Variants in TAOK3 observed in about 807,000 individuals in gnomAD.
TAOK3 encodes the protein TAO kinase 3, also known as serine/threonine-protein kinase TAO3.
Under a neutral mutation model 120.4 loss-of-function variants are expected in TAOK3, and 40 were observed. The ratio of observed to expected loss-of-function variants is 0.33; its 90% CI spans 0.26 to 0.43. The LOEUF (loss-of-function observed/expected upper bound fraction) is 0.43. Ranked by LOEUF, TAOK3 falls within the 20% of genes least tolerant of loss-of-function variation. The pLI is 1.00. For synonymous variants in TAOK3, 355 were observed against 387.5 expected (o/e 0.92, Z 0.99); for missense variants, 821 against 1,112.1 (o/e 0.74, Z 3.72).
chr12:118,198,987 G>A (rs1003496117), intron 13 of TAOK3, 64 bp downstream of exon 13: 5 of 1,570,336 alleles, frequency 3.2e-6, no homozygotes, highest in Non-Finnish European at 4.4e-6. Context: ...GAAGCTAAGT[G>A]ACTTGAACTG....
At chr12:118,177,375 C>G in intron 15 of TAOK3, 46 bp from the exon 16 acceptor site, 1 of 1,587,782 alleles carries the variant, frequency 6.3e-7, no homozygotes, top group Non-Finnish European at 8.6e-7. Context: ...ATTCTTTACA[C>G]AGAATTCAGT....
intron 16 of TAOK3, among the ~76,000 whole-genome samples, chr12:118,176,678 A>T (rs962875975): frequency 3.3e-5 from 5 of 152,192 alleles, no homozygotes; most frequent in Non-Finnish European, 7.3e-5. Context: ...AAAATCTGAA[A>T]ATCAGTCAGA....
chr12:118,322,858 T>A (rs1456392689), intron 1 of TAOK3, among the ~76,000 whole-genome samples: 2 of 151,374 alleles, frequency 1.3e-5, no homozygotes, highest in Non-Finnish European at 2.9e-5. Context: ...CCCGAGTAGC[T>A]GGGATTACAG....
chr12:118,321,120 T>C (rs1035998015), intron 1 of TAOK3, among the ~76,000 whole-genome samples: 2 of 152,196 alleles, frequency 1.3e-5, no homozygotes, highest in African/African-American at 2.4e-5. Flanking sequence ...AGTGGCTATA[T>C]GTTAGGGAAA....
intron 9 of TAOK3, among the ~76,000 whole-genome samples, chr12:118,230,783 T>C (rs779120461): frequency 1.3e-5 from 2 of 152,148 alleles, no homozygotes; most frequent in Non-Finnish European, 2.9e-5. Flanking sequence ...TTGTGAACTT[T>C]TACGTAGTAT....
intron 5 of TAOK3, among the ~76,000 whole-genome samples, chr12:118,241,247 C>G (rs1192446946): frequency 6.6e-6 from 1 of 151,676 alleles, no homozygotes; most frequent in African/African-American, 2.4e-5. Context: ...CAAACAGATT[C>G]AGAAACATTA....
intron 1 of TAOK3, among the ~76,000 whole-genome samples, chr12:118,309,080 G>C (rs891281405): frequency 6.6e-6 from 1 of 151,692 alleles, no homozygotes; most frequent in Non-Finnish European, 1.5e-5. Context: ...TGTAATCCCA[G>C]CACTTTGGGA....
chr12:118,251,333 C>T (rs541377675), intron 3 of TAOK3, among the ~76,000 whole-genome samples: 22 of 152,286 alleles, frequency 1.4e-4, no homozygotes, highest in Non-Finnish European at 1.5e-4. Flanking sequence ...TAAGGTACTG[C>T]CCATGTGACC....
At chr12:118,217,816 C>CATATATATATAT (rs57197721) in intron 9 of TAOK3, among the ~76,000 whole-genome samples, 6 of 45,964 alleles carry the variant, frequency 1.3e-4, no homozygotes, top group South Asian at 8.6e-4. Context: ...TGTGTGTATA[C>CATATATATATAT]ATATATATAT....
At chr12:118,189,529 GAC>G (rs1262640332) in intron 14 of TAOK3, among the ~76,000 whole-genome samples, 3 of 83,326 alleles carry the variant, frequency 3.6e-5, no homozygotes, top group Non-Finnish European at 4.7e-5. Flanking sequence ...AACACACACA[GAC>G]ACAGACACAC....
At chr12:118,187,664 C>T (rs946641270) in intron 14 of TAOK3, among the ~76,000 whole-genome samples, 4 of 152,104 alleles carry the variant, frequency 2.6e-5, no homozygotes, top group African/African-American at 9.7e-5. Flanking sequence ...TACCATCAAT[C>T]CCAATCATGA....
intron 17 of TAOK3, among the ~76,000 whole-genome samples, chr12:118,166,802 ATGTGTGTGTGTG>A (rs143091392): frequency 7.1e-6 from 1 of 141,444 alleles, no homozygotes; most frequent in South Asian, 2.4e-4. Context: ...TACTCAATGT[ATGTGTGTGTGTG>A]TATATATATA....
At chr12:118,206,890 C>T (rs552376950) in intron 11 of TAOK3, among the ~76,000 whole-genome samples, 1 of 152,094 alleles carries the variant, frequency 6.6e-6, no homozygotes, top group Non-Finnish European at 1.5e-5. Flanking sequence ...CCACTGCACC[C>T]GGCCTCCTCA....
chr12:118,356,226 GTAGGATAACTTGCA>G (rs1428861299), intron 1 of TAOK3, among the ~76,000 whole-genome samples: 2 of 150,814 alleles, frequency 1.3e-5, no homozygotes, highest in South Asian at 2.1e-4. Context: ...CCCTCTTTTA[GTAGGATAACTTGCA>G]TTACTATTTG....
intron 9 of TAOK3, among the ~76,000 whole-genome samples, chr12:118,226,927 G>A (rs1205827724): frequency 2.0e-5 from 3 of 152,086 alleles, no homozygotes; most frequent in Admixed American, 1.3e-4. Context: ...TGACATTTTA[G>A]TCATTTACAT....
chr12:118,354,064 T>A (rs1051571090), intron 1 of TAOK3, among the ~76,000 whole-genome samples: 65 of 152,308 alleles, frequency 4.3e-4, no homozygotes, highest in Admixed American at 3.9e-3. Flanking sequence ...AGTCTCAGAT[T>A]GTGAGAACGG....
intron 19 of TAOK3, among the ~76,000 whole-genome samples, chr12:118,156,399 T>C (rs2034827811): frequency 6.6e-6 from 1 of 152,202 alleles, no homozygotes; most frequent in Non-Finnish European, 1.5e-5. Context: ...CAGTAGTCCT[T>C]ACCTACCTGG....
chr12:118,215,158 C>T (rs1277473864), intron 9 of TAOK3, among the ~76,000 whole-genome samples: 1 of 148,518 alleles, frequency 6.7e-6, no homozygotes, highest in Non-Finnish European at 1.5e-5. Context: ...GGATTACAGG[C>T]GTGAGCCACT....
At chr12:118,209,085 G>T (rs2038487620) in intron 11 of TAOK3, among the ~76,000 whole-genome samples, 1 of 152,136 alleles carries the variant, frequency 6.6e-6, no homozygotes, top group Non-Finnish European at 1.5e-5. Context: ...GGCACAGTTT[G>T]TAATAGCAAA....
Sources: allele counts gnomAD v4.1 joint callset (sites outside exome capture counted in the v4.1 genomes callset), GRCh38; gene constraint gnomAD v4.1.1; transcripts MANE v1.5; gene names NCBI Gene and HGNC (gene_info 2026-07-23, HGNC 2026-07-21).